Variants in CTNNA2 observed in about 807,000 individuals in gnomAD.
The protein encoded by CTNNA2 is catenin alpha 2, also known as catenin alpha-2.
CTNNA2 carries 42 observed loss-of-function variants against 101.0 expected under a neutral mutation model. The ratio of observed to expected loss-of-function variants is 0.42; its 90% CI spans 0.32 to 0.54. The LOEUF (loss-of-function observed/expected upper bound fraction) is 0.54. Among genes scored for constraint, CTNNA2 ranks in the 20% least tolerant of loss-of-function variants. CTNNA2 has a pLI of 0.14. For missense variants in CTNNA2, 871 were observed against 1,223.1 expected, an observed-to-expected ratio of 0.71 and a Z score of 4.29; for synonymous variants, 450 against 456.4, an observed-to-expected ratio of 0.99 and a Z score of 0.18.
intron 7 of CTNNA2, among the ~76,000 whole-genome samples, chr2:79,935,903 T>G (rs1300236059): frequency 6.6e-6 from 1 of 152,232 alleles, no homozygotes; most frequent in African/African-American, 2.4e-5. Context: ...TAAATGCAAG[T>G]CACAGTTCTT....
At chr2:79,498,347 G>A (rs1210032954) in intron 4 of CTNNA2, among the ~76,000 whole-genome samples, 2 of 152,174 alleles carry the variant, frequency 1.3e-5, no homozygotes, top group Non-Finnish European at 2.9e-5. Context: ...GAGATGTCCT[G>A]TGTTTGAGCA....
intron 18 of CTNNA2, among the ~76,000 whole-genome samples, chr2:80,642,092 G>A (rs1210005304): frequency 1.3e-5 from 2 of 152,100 alleles, no homozygotes; most frequent in African/African-American, 4.8e-5. Context: ...GTTATACTCA[G>A]CATTGTAGCA....
chr2:80,263,740 A>T (rs1322891533), intron 7 of CTNNA2, among the ~76,000 whole-genome samples: 2 of 152,226 alleles, frequency 1.3e-5, no homozygotes, highest in Non-Finnish European at 2.9e-5. Flanking sequence ...CAATACAGAT[A>T]TACAACATTT....
At chr2:79,243,237 T>C (rs887578058) in intron 2 of CTNNA2, among the ~76,000 whole-genome samples, 1 of 151,708 alleles carries the variant, frequency 6.6e-6, no homozygotes, top group Admixed American at 6.6e-5. Flanking sequence ...GAGGAAGAGG[T>C]GTACATTAAG....
chr2:80,354,633 G>A (rs1013806929), intron 7 of CTNNA2, among the ~76,000 whole-genome samples: 10 of 152,130 alleles, frequency 6.6e-5, no homozygotes, highest in African/African-American at 2.2e-4. Flanking sequence ...TAGCATTTCC[G>A]TAATTTAAAT....
intron 9 of CTNNA2, among the ~76,000 whole-genome samples, chr2:80,514,396 T>C (rs1688944181): frequency 6.6e-6 from 1 of 152,098 alleles, no homozygotes; most frequent in South Asian, 2.1e-4. Flanking sequence ...TGGGGTGTTA[T>C]CATCTCAGTG....
intron 18 of CTNNA2, among the ~76,000 whole-genome samples, chr2:80,645,545 G>A (rs1673983333): frequency 6.7e-6 from 1 of 150,108 alleles, no homozygotes; most frequent in Non-Finnish European, 1.5e-5. Context: ...TGGATGGCTA[G>A]CTAGTTAAAA....
At chr2:79,680,656 A>T (rs1683501912) in intron 2 of CTNNA2, among the ~76,000 whole-genome samples, 1 of 152,158 alleles carries the variant, frequency 6.6e-6, no homozygotes. Context: ...TTCATCAGTG[A>T]GGTACTATTG....
intron 18 of CTNNA2, among the ~76,000 whole-genome samples, chr2:80,636,266 A>G (rs1193404361): frequency 6.6e-6 from 1 of 151,726 alleles, no homozygotes; most frequent in Non-Finnish European, 1.5e-5. Flanking sequence ...TGCTGAGATA[A>G]GGTCAGTCTT....
chr2:79,675,414 G>A (rs1683116792), intron 2 of CTNNA2, among the ~76,000 whole-genome samples: 1 of 152,110 alleles, frequency 6.6e-6, no homozygotes, highest in Admixed American at 6.6e-5. Context: ...TTGAAATAAG[G>A]CACTTAGTCT....
At chr2:80,599,444 A>G (rs144814351) in intron 15 of CTNNA2, among the ~76,000 whole-genome samples, 1 of 152,336 alleles carries the variant, frequency 6.6e-6, no homozygotes, top group East Asian at 1.9e-4. Flanking sequence ...TATGGTTATT[A>G]TTCCACAGTT....
At chr2:80,039,258 C>T (rs1695874453) in intron 7 of CTNNA2, among the ~76,000 whole-genome samples, 1 of 152,058 alleles carries the variant, frequency 6.6e-6, no homozygotes, top group African/African-American at 2.4e-5. Flanking sequence ...CACTGTGCCA[C>T]TATTTTTCTG....
chr2:79,638,024 T>C (rs902566811), intron 1 of CTNNA2, among the ~76,000 whole-genome samples: 3 of 152,178 alleles, frequency 2.0e-5, no homozygotes, highest in Non-Finnish European at 2.9e-5. Flanking sequence ...CTGATACACA[T>C]GTTGTTACTC....
chr2:80,050,123 C>G (rs150299747), intron 7 of CTNNA2, among the ~76,000 whole-genome samples: 4 of 152,130 alleles, frequency 2.6e-5, no homozygotes, highest in Admixed American at 2.6e-4. Flanking sequence ...TACCTATTGA[C>G]AAGCCATTTG....
intron 7 of CTNNA2, among the ~76,000 whole-genome samples, chr2:80,142,974 A>G (rs888191822): frequency 2.0e-5 from 3 of 152,114 alleles, no homozygotes; most frequent in African/African-American, 7.2e-5. Context: ...TGGCCTAACC[A>G]GAAACAGAAA....
chr2:80,471,051 A>T (rs566952088), intron 9 of CTNNA2, among the ~76,000 whole-genome samples: 1 of 152,220 alleles, frequency 6.6e-6, no homozygotes, highest in Admixed American at 6.5e-5. Context: ...GAGCCAGATC[A>T]TAAAGGTCCT....
chr2:80,257,336 G>A (rs1672252378), intron 7 of CTNNA2, among the ~76,000 whole-genome samples: 2 of 152,108 alleles, frequency 1.3e-5, no homozygotes, highest in African/African-American at 4.8e-5. Flanking sequence ...TATTGGCTGT[G>A]TTGCACTCAG....
At chr2:80,213,660 T>C (rs1427912230) in intron 7 of CTNNA2, among the ~76,000 whole-genome samples, 1 of 152,188 alleles carries the variant, frequency 6.6e-6, no homozygotes, top group African/African-American at 2.4e-5. Context: ...GGAATAAGTG[T>C]GGTGTGGTGC....
intron 7 of CTNNA2, among the ~76,000 whole-genome samples, chr2:79,911,466 T>A (rs1246740160): frequency 6.6e-6 from 1 of 152,108 alleles, no homozygotes; most frequent in Admixed American, 6.5e-5. Flanking sequence ...TAAATAAGAG[T>A]TGATCAACAC....
Sources: gnomAD v4.1 joint callset for allele counts (sites outside exome capture counted in the v4.1 genomes callset) on GRCh38, gnomAD v4.1.1 for gene constraint, MANE v1.5 for transcripts, NCBI Gene and HGNC (gene_info 2026-07-23, HGNC 2026-07-21) for gene names.